The following SSPN variants were observed in gnomAD, a reference collection of about 807,000 sequenced individuals.
SSPN encodes sarcospan.
In SSPN, 15 loss-of-function variants were observed where a neutral mutation model predicts 19.1. The observed-to-expected ratio is 0.78, with a 90% CI of 0.52 to 1.21. The LOEUF (loss-of-function observed/expected upper bound fraction) is 1.21, where lower values mean the gene tolerates loss of function less well. Among genes scored for constraint, SSPN ranks in the 50% most tolerant of loss-of-function variants. SSPN has a pLI of 0.00. For synonymous variants in SSPN, 147 were observed against 140.3 expected (o/e 1.05, Z -0.34); for missense variants, 291 against 314.0 (o/e 0.93, Z 0.55).
Position 26,150,918 on chromosome 12 carries a change from T to C in SSPN, c.-31+28766T>C, listed in dbSNP as rs544603592. ...ATTTTGAAGTCTGAAGTCACTTGTTTGGCTCTGCTCACTGGAGAACTCAAG... is the reference window on the plus strand; with the variant it reads ...ATTTTGAAGTCTGAAGTCACTTGTTCGGCTCTGCTCACTGGAGAACTCAAG... On this transcript the variant is annotated intron_variant, in intron 1 of 2. Transcript: ENST00000538142. Among the ~76,000 whole-genome samples, 7 of 152,324 alleles carry C rather than the reference T, an allele frequency of 4.6e-5. No individual in the cohort carries two copies. In the South Asian group the frequency reaches 1.2e-3, roughly 27 times the overall value.
rs1064750 is a variant in SSPN at position 26,232,093 on chromosome 12, C to T, written c.*1017C>T. On this transcript the variant is annotated 3_prime_UTR_variant, in exon 3 of 3. Coordinates refer to ENST00000242729, the MANE Select transcript of SSPN (RefSeq NM_005086.5). ...TTGTAATAGGAAGTGTTTATACAAA[C>T]AGCACATTTGTGATATGTTGAAAAG... is the stretch of plus-strand genomic sequence containing the variant. 485,550 of 984,806 alleles carry T rather than the reference C, an allele frequency of 0.49. 120,825 individuals are homozygous for T. The highest frequency in any genetic ancestry group is 0.81 in the East Asian group (7,148 of 8,812). The allele number at this position is 984,806 out of a possible 1,614,324, so 61.0% of individuals were successfully genotyped here.
At chr12:26,227,966 C>T (rs2086585450) in intron 2 of SSPN, among the ~76,000 whole-genome samples, 1 of 152,204 alleles carries the variant, frequency 6.6e-6, no homozygotes, top group Non-Finnish European at 1.5e-5. Context: ...ACAAAATTCC[C>T]ATTTTCAGCA....
rs114689894 is a variant in SSPN, at chr12:26,179,012, A to G, written c.-30-45281A>G. Among the ~76,000 whole-genome samples the G allele has an allele frequency of 6.1e-3, 932 of 152,318 alleles. 12 individuals carry two copies. Among genetic ancestry groups the G allele is most frequent in the African/African-American group, 0.021 (877 of 41,578 alleles). Reference sequence around the variant, plus strand: ...AGTGTAGGAGGGAACATAATATCCCATGAAGGATGGACAATGACGGGAAGA... The same window carrying G: ...AGTGTAGGAGGGAACATAATATCCCGTGAAGGATGGACAATGACGGGAAGA... On this transcript the variant is annotated intron_variant, in intron 1 of 2. Transcript: ENST00000538142.
intron 1 of SSPN, among the ~76,000 whole-genome samples, chr12:26,222,876 A>G (rs919737570): frequency 8.5e-5 from 13 of 152,200 alleles, no homozygotes; most frequent in Admixed American, 5.2e-4. Context: ...CTTGGAGGTC[A>G]CTTCTGGTTT....
chr12:26,166,285 G>A (rs780141449), intron 1 of SSPN, among the ~76,000 whole-genome samples: 1 of 152,182 alleles, frequency 6.6e-6, no homozygotes, highest in African/African-American at 2.4e-5. Context: ...ATAAAAAAAA[G>A]TATATGGTTA....
chr12:26,225,740 G>T (rs1344816019), intron 2 of SSPN, among the ~76,000 whole-genome samples: 1 of 62,872 alleles, frequency 1.6e-5, no homozygotes, highest in Non-Finnish European at 3.1e-5. Context: ...GCAAGGCTTG[G>T]TGATTAAAAA....
chr12:26,164,269 C>T (rs1944607646), intron 1 of SSPN, among the ~76,000 whole-genome samples: 1 of 152,218 alleles, frequency 6.6e-6, no homozygotes, highest in African/African-American at 2.4e-5. Context: ...TCTCAGGATC[C>T]TTCCCAAGAA....
At chr12:26,166,691 C>T (rs1024866992) in intron 1 of SSPN, among the ~76,000 whole-genome samples, 2 of 152,208 alleles carry the variant, frequency 1.3e-5, no homozygotes, top group Non-Finnish European at 2.9e-5. Context: ...CATAGACATG[C>T]CTGTTCATTT....
intron 1 of SSPN, among the ~76,000 whole-genome samples, chr12:26,198,585 G>A (rs1458750445): frequency 6.6e-6 from 1 of 152,154 alleles, no homozygotes; most frequent in Non-Finnish European, 1.5e-5. Flanking sequence ...ACTCTTCAGA[G>A]GAAAGGTGGC....
At chr12:26,194,077 T>G (rs1343240132), upstream of SSPN, among the ~76,000 whole-genome samples, 1 of 152,186 alleles carries the variant, frequency 6.6e-6, no homozygotes, top group Non-Finnish European at 1.5e-5. Flanking sequence ...ACATCACTTA[T>G]TTTTGAATAT....
At chr12:26,186,412 C>T (rs998575685) in intron 1 of SSPN, among the ~76,000 whole-genome samples, 2 of 152,260 alleles carry the variant, frequency 1.3e-5, no homozygotes, top group Admixed American at 1.3e-4. Context: ...AAAGTGGTAC[C>T]GATTCTTAAA....
chr12:26,158,220 C>T (rs1944567272), intron 1 of SSPN, among the ~76,000 whole-genome samples: 1 of 151,468 alleles, frequency 6.6e-6, no homozygotes, highest in Admixed American at 6.6e-5. Context: ...TCTGTTTTTC[C>T]TTTTTCCTTC....
At chr12:26,139,250 A>G (rs891454315) in intron 1 of SSPN, among the ~76,000 whole-genome samples, 1 of 152,156 alleles carries the variant, frequency 6.6e-6, no homozygotes, top group Non-Finnish European at 1.5e-5. Flanking sequence ...CCAACCTATG[A>G]GTGCAATTAA....
chr12:26,224,878 G>A (rs568589290), intron 2 of SSPN, among the ~76,000 whole-genome samples: 132 of 152,208 alleles, frequency 8.7e-4, no homozygotes, highest in Middle Eastern at 3.4e-3. Flanking sequence ...TTTGGCAAGC[G>A]TGTGTGTCTT....
chr12:26,209,668 C>G lies in SSPN; in HGVS notation c.279+13717C>G, dbSNP rs189983540. ...ATGTTATTTTCACATATCCCTGGTG[C>G]TTTAAAAACTGTCCTGTTCTTTATG... On this transcript the variant is annotated intron_variant, in intron 1 of 2. Coordinates refer to ENST00000242729, the MANE Select transcript of SSPN (RefSeq NM_005086.5). 6.6e-5 allele frequency among the ~76,000 whole-genome samples: 10 copies of G among 152,122 alleles called. No homozygotes were observed. The East Asian group carries it at 1.9e-3, about 29-fold the overall frequency.
chr12:26,168,826 G>A (rs1159056986), intron 1 of SSPN, among the ~76,000 whole-genome samples: 2 of 152,172 alleles, frequency 1.3e-5, no homozygotes, highest in Admixed American at 1.3e-4. Context: ...GACATTCCCT[G>A]GGGGCAGAGT....
chr12:26,146,185 T>G (rs1944489190), intron 1 of SSPN, among the ~76,000 whole-genome samples: 1 of 152,208 alleles, frequency 6.6e-6, no homozygotes, highest in Non-Finnish European at 1.5e-5. Context: ...GTGGTTCACC[T>G]TCTCCAAGTC....
chr12:26,183,996 C>T (rs1198755366), intron 1 of SSPN, among the ~76,000 whole-genome samples: 1 of 152,224 alleles, frequency 6.6e-6, no homozygotes, highest in African/African-American at 2.4e-5. Context: ...ACTCAGCCAG[C>T]TGCCTTTGGT....
At chr12:26,201,047 T>TATATATATATATA (rs1565685553) in intron 1 of SSPN, among the ~76,000 whole-genome samples, 3 of 51,040 alleles carry the variant, frequency 5.9e-5, no homozygotes, top group African/African-American at 1.0e-4. Flanking sequence ...ATATATATAT[T>TATATATATATATA]ATATATATAT....
Sources: gnomAD v4.1 joint callset for allele counts (sites outside exome capture counted in the v4.1 genomes callset) on GRCh38, gnomAD v4.1.1 for gene constraint, MANE v1.5 for transcripts, NCBI Gene and HGNC (gene_info 2026-07-23, HGNC 2026-07-21) for gene names.